Variants in TBC1D22A observed in about 807,000 individuals in gnomAD.
The protein encoded by TBC1D22A is TBC1 domain family member 22A.
In TBC1D22A, 38 loss-of-function variants were observed where a neutral mutation model predicts 60.2. The ratio of observed to expected loss-of-function variants is 0.63; its 90% CI spans 0.49 to 0.83. The LOEUF is 0.83. Ranked by LOEUF, TBC1D22A falls within the 40% of genes least tolerant of loss-of-function variation. The pLI, the probability that TBC1D22A is intolerant of heterozygous loss-of-function variation, is 0.00. For synonymous variants in TBC1D22A, 302 were observed against 281.7 expected (o/e 1.07, Z -0.72); for missense variants, 628 against 701.0 (o/e 0.90, Z 1.18).
intron 4 of TBC1D22A, among the ~76,000 whole-genome samples, chr22:46,840,197 CT>C (rs1401036573): frequency 6.6e-6 from 1 of 152,134 alleles, no homozygotes; most frequent in East Asian, 1.9e-4. Context: ...AACTATACAT[CT>C]GATATGGGGT....
chr22:46,907,821 G>A (rs2069601210), intron 7 of TBC1D22A, among the ~76,000 whole-genome samples: 2 of 152,248 alleles, frequency 1.3e-5, no homozygotes, highest in South Asian at 2.1e-4. Context: ...CTTTGGGTAG[G>A]GAGGTGGCAG....
At position 47,097,476 on chromosome 22, in the gene TBC1D22A, T is replaced by C. The variant is rs189891825; in HGVS notation, c.1330-14032T>C. Among the ~76,000 whole-genome samples, 608 of 152,140 alleles carry C rather than the reference T, an allele frequency of 4.0e-3. 6 individuals carry two copies. The highest frequency in any genetic ancestry group is 0.014 in the African/African-American group (580 of 41,526). ...TAAAAATACAAAAATTAGCCGGGCG[T>C]GGTGGTGGGCACCTGTTATCCCAGC... On this transcript the variant is annotated intron_variant, in intron 11 of 12. Coordinates refer to ENST00000337137, the MANE Select transcript of TBC1D22A (RefSeq NM_014346.5).
intron 8 of TBC1D22A, among the ~76,000 whole-genome samples, chr22:46,941,805 A>G (rs1408745899): frequency 4.9e-5 from 5 of 103,036 alleles, no homozygotes; most frequent in African/African-American, 1.2e-4. Flanking sequence ...TATAGAATAT[A>G]TATAGAATAT....
chr22:46,857,186 C>G (rs956305031), intron 4 of TBC1D22A, among the ~76,000 whole-genome samples: 3 of 152,256 alleles, frequency 2.0e-5, no homozygotes, highest in African/African-American at 7.2e-5. Context: ...AACACAACCA[C>G]TTACATCAGT....
intron 8 of TBC1D22A, among the ~76,000 whole-genome samples, chr22:46,924,504 C>G (rs2070934972): frequency 6.6e-6 from 1 of 152,140 alleles, no homozygotes; most frequent in African/African-American, 2.4e-5. Flanking sequence ...CGCTTATAAT[C>G]CCAGCACTTT....
chr22:47,062,917 T>A (rs4519642), intron 11 of TBC1D22A, among the ~76,000 whole-genome samples: 23 of 126,702 alleles, frequency 1.8e-4, no homozygotes, highest in Non-Finnish European at 3.7e-5. Flanking sequence ...CAGGCCACCA[T>A]GTGCAACGAG....
At chr22:47,056,284 C>T (rs1264637326) in intron 11 of TBC1D22A, among the ~76,000 whole-genome samples, 2 of 152,004 alleles carry the variant, frequency 1.3e-5, no homozygotes, top group South Asian at 2.1e-4. Flanking sequence ...TAAAGTTCTG[C>T]TTGCTGTTTA....
At chr22:47,116,931 TTC>T (rs1475152076) in intron 12 of TBC1D22A, 1 of 152,520 alleles carries the variant, frequency 6.6e-6, no homozygotes, top group Non-Finnish European at 1.5e-5. Flanking sequence ...TGCTGTCAGG[TTC>T]TGCTCTCAAG....
intron 11 of TBC1D22A, among the ~76,000 whole-genome samples, chr22:47,095,299 G>C (rs898583382): frequency 1.3e-5 from 2 of 152,228 alleles, no homozygotes; most frequent in African/African-American, 4.8e-5. Context: ...ATGTAAATAC[G>C]CATATGCGGG....
rs941574415 is a variant in TBC1D22A at position 46,867,822 on chromosome 22, C to T, written c.638-10831C>T. 3.9e-5 allele frequency among the ~76,000 whole-genome samples: 6 copies of T among 152,212 alleles called. No individual in the cohort carries two copies. In the East Asian group the frequency reaches 1.2e-3, roughly 29 times the overall value. On this transcript the variant is annotated intron_variant, in intron 4 of 12. Coordinates refer to ENST00000337137, the MANE Select transcript of TBC1D22A (RefSeq NM_014346.5). ...CAAAGAGACACTTAAAAGACAGAAA[C>T]TGTTGCTAATAAGCAGATGACTCCA...
chr22:46,828,391 C>G (rs139882336), intron 4 of TBC1D22A, among the ~76,000 whole-genome samples: 1 of 152,244 alleles, frequency 6.6e-6, no homozygotes, highest in African/African-American at 2.4e-5. Context: ...GTTCTAACAA[C>G]ATGTCCACTT....
intron 12 of TBC1D22A, among the ~76,000 whole-genome samples, chr22:47,113,037 C>A (rs922190937): frequency 6.6e-5 from 10 of 152,342 alleles, no homozygotes; most frequent in Non-Finnish European, 1.5e-4. Context: ...CTCCTGCTGT[C>A]CTCCACAGTA....
At chr22:47,069,715 C>T (rs1260784611) in intron 11 of TBC1D22A, among the ~76,000 whole-genome samples, 2 of 89,690 alleles carry the variant, frequency 2.2e-5, no homozygotes, top group African/African-American at 4.9e-5. Context: ...ACCTGACGGT[C>T]CTGGCTGTTC....
rs138146190 is a variant in TBC1D22A, at chr22:47,082,642, A to G, written c.1330-28866A>G. On this transcript the variant is annotated intron_variant, in intron 11 of 12. Coordinates refer to ENST00000337137, the MANE Select transcript of TBC1D22A (RefSeq NM_014346.5). The stretch of plus-strand genomic sequence containing the variant: ...ACTTGAAAAAGTACTCAACCTTATT[A>G]GTCATCAAGGAAATTCAAATTAAAA... Among the ~76,000 whole-genome samples the G allele has an allele frequency of 8.3e-4, 126 of 152,352 alleles. 1 individual carries two copies. The highest frequency in any genetic ancestry group is 2.9e-3 in the African/African-American group (120 of 41,580).
intron 10 of TBC1D22A, among the ~76,000 whole-genome samples, chr22:47,026,541 A>G (rs2062264272): frequency 6.6e-6 from 1 of 152,250 alleles, no homozygotes. Flanking sequence ...ACTAGAAAGA[A>G]CAAGAGTTTA....
intron 12 of TBC1D22A, among the ~76,000 whole-genome samples, chr22:47,173,280 G>A (rs564776866): frequency 1.8e-4 from 28 of 152,264 alleles, no homozygotes; most frequent in Non-Finnish European, 2.4e-4. Flanking sequence ...AGCAGCTGCC[G>A]GCTGGGCAAG....
At chr22:46,831,680 T>A (rs566311711) in intron 4 of TBC1D22A, among the ~76,000 whole-genome samples, 1 of 152,286 alleles carries the variant, frequency 6.6e-6, no homozygotes, top group Non-Finnish European at 1.5e-5. Flanking sequence ...TATAGCTGCC[T>A]GTGCCCAGCG....
chr22:46,815,405 C>T (rs894726205), intron 4 of TBC1D22A, among the ~76,000 whole-genome samples: 4 of 152,222 alleles, frequency 2.6e-5, no homozygotes, highest in Non-Finnish European at 4.4e-5. Context: ...TTGAAGTGCC[C>T]CTGGGCACAG....
intron 7 of TBC1D22A, 136 bp downstream of exon 7, chr22:46,894,982 C>G: frequency 1.2e-6 from 1 of 820,286 alleles, no homozygotes; most frequent in Non-Finnish European, 2.1e-6. Flanking sequence ...GTGCATCTAG[C>G]CCTTGTGGAC....
Sources: allele counts gnomAD v4.1 joint callset (sites outside exome capture counted in the v4.1 genomes callset), GRCh38; gene constraint gnomAD v4.1.1; transcripts MANE v1.5; gene names NCBI Gene and HGNC (gene_info 2026-07-23, HGNC 2026-07-21).